The following RGS21 variants were observed in gnomAD, a reference collection of about 807,000 sequenced individuals.
RGS21 encodes the protein regulator of G protein signaling 21.
Under a neutral mutation model 18.7 loss-of-function variants are expected in RGS21, and 19 were observed. The observed-to-expected ratio is 1.01, with a 90% confidence interval of 0.71 to 1.49. The LOEUF (loss-of-function observed/expected upper bound fraction) is 1.49, where lower values mean the gene tolerates loss of function less well. RGS21 is among the 40% of genes most tolerant of loss of function. The pLI is 0.00. For missense variants in RGS21, 194 were observed against 176.8 expected (o/e 1.10, Z -0.55); for synonymous variants, 56 against 57.8 (o/e 0.97, Z 0.14).
chr1:192,347,934 C>T (rs1326673643), intron 3 of RGS21, among the ~76,000 whole-genome samples: 2 of 151,546 alleles, frequency 1.3e-5, no homozygotes, highest in African/African-American at 4.9e-5. Flanking sequence ...TGCTGGGATT[C>T]AATTCAGGTG....
chr1:192,317,192 C>G (rs1250245620), intron 1 of RGS21, 87 bp downstream of exon 1: 1 of 151,856 alleles, frequency 6.6e-6, no homozygotes, highest in Admixed American at 6.6e-5. Context: ...AAAATGCCAA[C>G]TATTAGATTC....
intron 4 of RGS21, among the ~76,000 whole-genome samples, chr1:192,353,107 A>G (rs1247309226): frequency 6.6e-6 from 1 of 151,970 alleles, no homozygotes; most frequent in African/African-American, 2.4e-5. Flanking sequence ...GACAGTTACT[A>G]TGTATTCTGA....
chr1:192,323,267 C>G (rs1276762871), intron 1 of RGS21, among the ~76,000 whole-genome samples: 1 of 152,080 alleles, frequency 6.6e-6, no homozygotes, highest in South Asian at 2.1e-4. Context: ...AAGGAAATTC[C>G]ATTTATTTGC....
rs370462779 is a variant in RGS21, at chr1:192,350,719, C to T, written c.89-1328C>T. 4.7e-4 allele frequency among the ~76,000 whole-genome samples: 72 copies of T among 152,276 alleles called. 1 individual carries two copies. In the South Asian group the frequency reaches 0.013, roughly 28 times the overall value. ...AAACTGTGACACTGAATAACATGAC[C>T]TAAATGTATTGGTTTAGTTTTGTCC... On this transcript the variant is annotated intron_variant, in intron 3 of 4. Transcript: ENST00000417209.
intron 1 of RGS21, among the ~76,000 whole-genome samples, chr1:192,333,305 T>C (rs1156389011): frequency 1.8e-4 from 19 of 105,130 alleles, no homozygotes; most frequent in African/African-American, 8.0e-4. Context: ...CACACACACT[T>C]ACCATAGGAC....
At chr1:192,343,670 A>G (rs1323579815) in intron 2 of RGS21, among the ~76,000 whole-genome samples, 1 of 152,164 alleles carries the variant, frequency 6.6e-6, no homozygotes, top group Admixed American at 6.6e-5. Flanking sequence ...GAAAATAGAA[A>G]GGAAATCAGC....
At chr1:192,352,363 A>G (rs574123685) in intron 4 of RGS21, 150 bp downstream of exon 4, 103 of 521,364 alleles carry the variant, frequency 2.0e-4, no homozygotes, top group Non-Finnish European at 3.0e-4. Context: ...ATTCCTTAAG[A>G]TGACTCTCTT....
At chr1:192,331,194 T>A (rs1344141824) in intron 1 of RGS21, among the ~76,000 whole-genome samples, 1 of 152,194 alleles carries the variant, frequency 6.6e-6, no homozygotes, top group East Asian at 1.9e-4. Context: ...GGAATTTATT[T>A]TCTCCCTCGT....
chr1:192,350,190 A>T (rs925350313), intron 3 of RGS21, among the ~76,000 whole-genome samples: 1 of 152,236 alleles, frequency 6.6e-6, no homozygotes, highest in Non-Finnish European at 1.5e-5. Context: ...ATTTCAACCA[A>T]GAATTTTAAT....
chr1:192,338,538 C>T (rs1658805406), intron 1 of RGS21, among the ~76,000 whole-genome samples: 1 of 152,044 alleles, frequency 6.6e-6, no homozygotes, highest in African/African-American at 2.4e-5. Flanking sequence ...ATCTCCTTTG[C>T]TGTGACCTGT....
At chr1:192,364,061 T>C (rs1659222413) in intron 4 of RGS21, among the ~76,000 whole-genome samples, 1 of 152,112 alleles carries the variant, frequency 6.6e-6, no homozygotes, top group Non-Finnish European at 1.5e-5. Context: ...ATCAGCAGCT[T>C]AACACTGAAG....
At chr1:192,360,986 A>G (rs767950850) in intron 4 of RGS21, among the ~76,000 whole-genome samples, 3 of 152,018 alleles carry the variant, frequency 2.0e-5, no homozygotes, top group Non-Finnish European at 2.9e-5. Context: ...CACCTACTCC[A>G]TAAATACTCT....
intron 1 of RGS21, among the ~76,000 whole-genome samples, chr1:192,338,483 G>A (rs543639970): frequency 1.7e-4 from 26 of 152,118 alleles, no homozygotes; most frequent in African/African-American, 5.8e-4. Flanking sequence ...CGATCAGTGC[G>A]ATTTTGTGGT....
At chr1:192,334,122 T>C (rs996574451) in intron 1 of RGS21, among the ~76,000 whole-genome samples, 1 of 152,290 alleles carries the variant, frequency 6.6e-6, no homozygotes, top group East Asian at 1.9e-4. Flanking sequence ...TGCATGCCTT[T>C]GCTAATCTAG....
intron 4 of RGS21, among the ~76,000 whole-genome samples, chr1:192,355,747 AC>A (rs940407589): frequency 1.3e-5 from 2 of 151,414 alleles, no homozygotes; most frequent in African/African-American, 4.8e-5. Context: ...ATATTACTTA[AC>A]TTTGAGAAAA....
chr1:192,349,720 T>C (rs1659008718), intron 3 of RGS21, among the ~76,000 whole-genome samples: 1 of 152,162 alleles, frequency 6.6e-6, no homozygotes, highest in Admixed American at 6.5e-5. Context: ...TTTTGTTCCA[T>C]TGGGTTCTAA....
chr1:192,349,660 T>C (rs1234478258), intron 3 of RGS21, among the ~76,000 whole-genome samples: 6 of 152,200 alleles, frequency 3.9e-5, no homozygotes. Flanking sequence ...CAAAATATCA[T>C]GTTCAAGATA....
chr1:192,322,505 A>C (rs1197866244), intron 1 of RGS21, among the ~76,000 whole-genome samples: 1 of 152,112 alleles, frequency 6.6e-6, no homozygotes, highest in Non-Finnish European at 1.5e-5. Flanking sequence ...GTAATCAATA[A>C]ACATTCTCAA....
chr1:192,336,550 G>A lies in RGS21; in HGVS notation c.-60-6427G>A, dbSNP rs759751736. Among the ~76,000 whole-genome samples the A allele has an allele frequency of 1.1e-4, 16 of 152,098 alleles. 1 individual carries two copies. The highest frequency in any genetic ancestry group is 2.1e-4 in the Non-Finnish European group (14 of 68,018). ...GTTACTGTCTGATGCCTGGCAGTGCGCATATTAGATGACTTCCTGCCTTCT... is the reference window on the plus strand; with the variant it reads ...GTTACTGTCTGATGCCTGGCAGTGCACATATTAGATGACTTCCTGCCTTCT... On this transcript the variant is annotated intron_variant, in intron 1 of 4. Transcript: ENST00000417209.
Sources: gnomAD v4.1 joint callset for allele counts (sites outside exome capture counted in the v4.1 genomes callset) on GRCh38, gnomAD v4.1.1 for gene constraint, MANE v1.5 for transcripts, NCBI Gene and HGNC (gene_info 2026-07-23, HGNC 2026-07-21) for gene names.